Variants in USP15 observed in about 807,000 individuals in gnomAD.
USP15 encodes the protein ubiquitin specific peptidase 15.
USP15 carries 18 observed loss-of-function variants against 127.1 expected under a neutral mutation model. The ratio of observed to expected loss-of-function variants is 0.14; its 90% CI spans 0.10 to 0.21. The LOEUF (loss-of-function observed/expected upper bound fraction) is 0.21, where lower values mean the gene tolerates loss of function less well. USP15 is among the 10% of genes least tolerant of loss of function. The pLI is 1.00. For missense variants in USP15, 805 were observed against 1,159.9 expected, an observed-to-expected ratio of 0.69 and a Z score of 4.44; for synonymous variants, 364 against 393.7, an observed-to-expected ratio of 0.92 and a Z score of 0.89.
At chr12:62,291,167 C>G (rs921652805) in intron 1 of USP15, among the ~76,000 whole-genome samples, 5 of 152,118 alleles carry the variant, frequency 3.3e-5, no homozygotes, top group African/African-American at 1.2e-4. Flanking sequence ...GTTTTCCAAA[C>G]TTTTTGCTTT....
chr12:62,327,220 T>C (rs2065153954), intron 6 of USP15, among the ~76,000 whole-genome samples: 1 of 151,952 alleles, frequency 6.6e-6, no homozygotes, highest in Non-Finnish European at 1.5e-5. Flanking sequence ...CGTGAAATTT[T>C]TTTTTCCCAT....
At chr12:62,298,961 A>G (rs1050526022) in intron 2 of USP15, among the ~76,000 whole-genome samples, 1 of 152,000 alleles carries the variant, frequency 6.6e-6, no homozygotes, top group African/African-American at 2.4e-5. Flanking sequence ...AACTTGACCT[A>G]ATTGAATTTT....
At chr12:62,389,574 A>G (rs781135891) in intron 12 of USP15, 31 bp from the exon 13 acceptor site, 2 of 1,610,590 alleles carry the variant, frequency 1.2e-6, no homozygotes, top group South Asian at 2.2e-5. Flanking sequence ...GTGCTGTAAA[A>G]CCAGCTTAAT....
chr12:62,323,769 T>C (rs2065054200), intron 5 of USP15, among the ~76,000 whole-genome samples: 1 of 152,190 alleles, frequency 6.6e-6, no homozygotes, highest in Non-Finnish European at 1.5e-5. Flanking sequence ...AGTGTTACTC[T>C]TTTCATCGTG....
intron 4 of USP15, among the ~76,000 whole-genome samples, chr12:62,321,191 G>A (rs2064977014): frequency 6.6e-6 from 1 of 152,014 alleles, no homozygotes; most frequent in East Asian, 1.9e-4. Flanking sequence ...ATCCTGTGTA[G>A]CATAAATTGT....
At chr12:62,349,393 A>G in intron 7 of USP15, 86 bp downstream of exon 7, 2 of 880,652 alleles carry the variant, frequency 2.3e-6, no homozygotes. Context: ...AATTTAGGAT[A>G]AAAGTCTTAA....
intron 6 of USP15, among the ~76,000 whole-genome samples, chr12:62,346,444 T>G (rs77963164): frequency 6.6e-6 from 1 of 152,068 alleles, no homozygotes; most frequent in South Asian, 2.1e-4. Flanking sequence ...AATAACACTT[T>G]GATATTATTA....
At chr12:62,361,833 T>C (rs946336692) in intron 8 of USP15, among the ~76,000 whole-genome samples, 5 of 152,022 alleles carry the variant, frequency 3.3e-5, no homozygotes, top group Admixed American at 1.3e-4. Flanking sequence ...TTTACAATGA[T>C]TTATAAACTA....
intron 1 of USP15, among the ~76,000 whole-genome samples, chr12:62,289,169 T>G (rs2063874161): frequency 6.6e-6 from 1 of 152,164 alleles, no homozygotes; most frequent in African/African-American, 2.4e-5. Context: ...GTACAAGTTC[T>G]TTGTATGTCT....
chr12:62,383,779 C>T, intron 9 of USP15, 61 bp from the exon 10 acceptor site: 2 of 1,531,800 alleles, frequency 1.3e-6, no homozygotes, highest in South Asian at 2.5e-5. Flanking sequence ...ATCTATTGTA[C>T]ATATGTTTAA....
chr12:62,293,380 C>G (rs113296466), intron 1 of USP15, among the ~76,000 whole-genome samples: 1 of 151,676 alleles, frequency 6.6e-6, no homozygotes, highest in African/African-American at 2.4e-5. Context: ...TTTTTGAGAC[C>G]GAGTCTCTCT....
chr12:62,307,393 C>G (rs541688403), intron 3 of USP15, among the ~76,000 whole-genome samples: 1 of 152,106 alleles, frequency 6.6e-6, no homozygotes, highest in African/African-American at 2.4e-5. Context: ...ATTTCATAAT[C>G]GTTATGGACC....
chr12:62,362,582 A>G (rs1262222863), intron 8 of USP15, among the ~76,000 whole-genome samples: 2 of 152,230 alleles, frequency 1.3e-5, no homozygotes, highest in East Asian at 1.9e-4. Flanking sequence ...TCAGAGCACT[A>G]TTTTCAGAAT....
At chr12:62,282,818 A>G (rs1437542574) in intron 1 of USP15, among the ~76,000 whole-genome samples, 2 of 152,252 alleles carry the variant, frequency 1.3e-5, no homozygotes, top group Admixed American at 6.5e-5. Context: ...AGGCTACTGT[A>G]TAACTGTAAA....
chr12:62,336,091 T>C (rs1240815589), intron 6 of USP15: 10 of 985,330 alleles, frequency 1.0e-5, no homozygotes, highest in Non-Finnish European at 1.2e-5. Context: ...GCAGCTCTAC[T>C]CAGACCTTAA....
chr12:62,396,198 A>T, intron 19 of USP15, 97 bp from the exon 20 acceptor site: 1 of 725,948 alleles, frequency 1.4e-6, no homozygotes, highest in Non-Finnish European at 2.2e-6. Context: ...ATAGATATAG[A>T]TATATATATG....
At chr12:62,306,613 G>A (rs1181165612) in intron 3 of USP15, among the ~76,000 whole-genome samples, 3 of 152,032 alleles carry the variant, frequency 2.0e-5, no homozygotes, top group Non-Finnish European at 4.4e-5. Context: ...GTACTGCCTA[G>A]TTTCTTTTTG....
chr12:62,296,691 T>A (rs1470579272), intron 2 of USP15, among the ~76,000 whole-genome samples: 2 of 152,156 alleles, frequency 1.3e-5, no homozygotes, highest in Admixed American at 1.3e-4. Flanking sequence ...CAGTTAAGAA[T>A]TTGTAGTACT....
intron 2 of USP15, among the ~76,000 whole-genome samples, chr12:62,299,063 G>A (rs1411124867): frequency 6.6e-6 from 1 of 152,040 alleles, no homozygotes; most frequent in Non-Finnish European, 1.5e-5. Context: ...TCCTTTGTCT[G>A]TATGTATTTG....
Sources: gnomAD v4.1 joint callset for allele counts (sites outside exome capture counted in the v4.1 genomes callset) on GRCh38, gnomAD v4.1.1 for gene constraint, MANE v1.5 for transcripts, NCBI Gene and HGNC (gene_info 2026-07-23, HGNC 2026-07-21) for gene names.